The following TNS1 variants were observed in gnomAD, a reference collection of about 807,000 sequenced individuals.
TNS1 encodes the protein tensin 1.
Under a neutral mutation model 168.6 loss-of-function variants are expected in TNS1, and 62 were observed. The ratio of observed to expected loss-of-function variants is 0.37; its 90% CI spans 0.30 to 0.45. TNS1 has a LOEUF of 0.45. Ranked by LOEUF, TNS1 falls within the 20% of genes least tolerant of loss-of-function variation. The pLI, the probability that TNS1 is intolerant of heterozygous loss-of-function variation, is 1.00. For synonymous variants in TNS1, 934 were observed against 933.2 expected, an observed-to-expected ratio of 1.00 and a Z score of -0.02; for missense variants, 2,240 against 2,339.4, an observed-to-expected ratio of 0.96 and a Z score of 0.88.
chr2:217,818,448 G>A lies in TNS1; in HGVS notation c.3884C>T (p.Pro1295Leu), dbSNP rs376324480. 5.0e-6 allele frequency: 8 copies of A among 1,613,936 alleles called. No homozygotes were observed. Among genetic ancestry groups the A allele is most frequent in the Non-Finnish European group, 5.9e-6 (7 of 1,179,936 alleles). The change falls in exon 24 of 33, where the codon CCT (proline) becomes CTT (leucine). Residue 1295 changes from proline (P) to leucine (L), a missense_variant. Physicochemically the swap from Pro to Leu is moderately conservative, Grantham distance 98. Transcript: ENST00000682258. ...GGCCCGCCAGCCGAAGCCAGGACTA[G>A]GGGGAGTGTTGGTGCCCACTGTTCT... ...RHRTVGTNTP[P>L]SPGFGWRAIN...
intron 3 of TNS1, among the ~76,000 whole-genome samples, chr2:217,928,366 C>T (rs376722975): frequency 4.6e-5 from 7 of 152,314 alleles, no homozygotes; most frequent in African/African-American, 1.7e-4. Context: ...CCCTCCCCAC[C>T]AGGCAGCTGG....
intron 4 of TNS1, among the ~76,000 whole-genome samples, chr2:217,913,649 A>C (rs1285082843): frequency 6.6e-6 from 1 of 152,042 alleles, no homozygotes; most frequent in Non-Finnish European, 1.5e-5. Flanking sequence ...GCTTTGGGTC[A>C]CTTCCCCACT....
intron 18 of TNS1, among the ~76,000 whole-genome samples, chr2:217,871,185 T>A (rs1210740271): frequency 9.2e-5 from 14 of 152,198 alleles, no homozygotes; most frequent in Admixed American, 9.2e-4. Flanking sequence ...AGTTGGGAAG[T>A]TCTACCAGGA....
At chr2:217,900,417 C>T in intron 7 of TNS1, 46 bp downstream of exon 7, 2 of 1,529,262 alleles carry the variant, frequency 1.3e-6, no homozygotes, top group Non-Finnish European at 1.8e-6. Flanking sequence ...CCACAGTGAC[C>T]CCCCTGCTTG....
intron 1 of TNS1, among the ~76,000 whole-genome samples, chr2:218,030,552 A>G (rs1031708313): frequency 6.6e-6 from 1 of 152,220 alleles, no homozygotes; most frequent in Non-Finnish European, 1.5e-5. Flanking sequence ...ATGCTCAAAA[A>G]TGCTTGAATC....
intron 3 of TNS1, among the ~76,000 whole-genome samples, chr2:217,933,840 CA>C (rs2125913303): frequency 6.6e-6 from 1 of 152,214 alleles, no homozygotes; most frequent in Non-Finnish European, 1.5e-5. Flanking sequence ...AGCAGGTGCA[CA>C]AACAATAGGG....
intron 22 of TNS1, among the ~76,000 whole-genome samples, chr2:217,824,456 G>A (rs1461379332): frequency 6.6e-6 from 1 of 152,162 alleles, no homozygotes; most frequent in African/African-American, 2.4e-5. Context: ...GATAAAAAGA[G>A]CAAACAATTA....
upstream of TNS1, among the ~76,000 whole-genome samples, chr2:218,012,117 C>T (rs1029877347): frequency 6.6e-6 from 1 of 152,262 alleles, no homozygotes; most frequent in Non-Finnish European, 1.5e-5. Context: ...GGCCTTCAAT[C>T]TCTATAGCTT....
At chr2:218,015,644 AC>A (rs1215810750) in intron 1 of TNS1, among the ~76,000 whole-genome samples, 1 of 149,824 alleles carries the variant, frequency 6.7e-6, no homozygotes, top group Non-Finnish European at 1.5e-5. Flanking sequence ...TCCCCATCCC[AC>A]CCCCACCCCC....
Position 217,848,709 on chromosome 2 carries a change from C to G in TNS1, c.1808G>C (p.Arg603Pro), listed in dbSNP as rs772611683. ...AGGSAVPSSGRHVVPAQVHVN... is the reference protein window; with the variant it reads ...AGGSAVPSSGPHVVPAQVHVN... ...ATGAACCTGGGCTGGGACAACGTGG[C>G]GTCCAGAGGAGGGCACAGCCGAGCC... The change falls in exon 19 of 33, where the codon CGC becomes CCC. Residue 603 changes from arginine (R) to proline (P), a missense_variant. Around this residue, in one of 2 missense-constraint regions of TNS1, gnomAD observed 2,131 missense variants for 2,171.2 expected, o/e 0.98. Transcript: ENST00000682258. 1 of 1,614,070 alleles carries G rather than the reference C, an allele frequency of 6.2e-7. No individual in the cohort carries two copies. Among genetic ancestry groups the G allele is most frequent in the Non-Finnish European group, 8.5e-7 (1 of 1,180,022 alleles).
At chr2:217,909,289 C>A (rs928113166) in intron 4 of TNS1, among the ~76,000 whole-genome samples, 50 of 152,122 alleles carry the variant, frequency 3.3e-4, no homozygotes, top group African/African-American at 1.1e-3. Flanking sequence ...CAGACCACAG[C>A]GGAACTGAGA....
chr2:217,852,242 A>G lies in TNS1; in HGVS notation c.1430-3155T>C, dbSNP rs896569596. On this transcript the variant is annotated intron_variant, in intron 18 of 32. Transcript: ENST00000682258. ...TCATAGCTCTGGGGTGGTTCTCTTG[A>G]GGATGGGGCCCCTTGGACAAGTTGG... 3.3e-5 allele frequency among the ~76,000 whole-genome samples: 5 copies of G among 152,188 alleles called. No homozygotes were observed. The East Asian group carries it at 9.6e-4, about 29-fold the overall frequency.
chr2:217,859,493 G>C, intron 18 of TNS1: 1 of 678,452 alleles, frequency 1.5e-6, no homozygotes, highest in South Asian at 1.7e-5. Flanking sequence ...TAGAAGGACT[G>C]GGGTGTCACC....
At chr2:218,013,309 G>A (rs543970080), upstream of TNS1, among the ~76,000 whole-genome samples, 7 of 151,866 alleles carry the variant, frequency 4.6e-5, no homozygotes, top group East Asian at 9.7e-4. Flanking sequence ...TGCTCAGTCC[G>A]TCTTCCCTCC....
At chr2:217,858,958 G>GCCCCAGC (rs755757561) in intron 18 of TNS1, among the ~76,000 whole-genome samples, 5 of 114,704 alleles carry the variant, frequency 4.4e-5, no homozygotes, top group African/African-American at 1.9e-4. Context: ...CCCAACCCCA[G>GCCCCAGC]CCCAGCCCCA....
At chr2:217,808,509 A>G (rs896501291) in intron 31 of TNS1, 94 bp downstream of exon 31, 8 of 540,414 alleles carry the variant, frequency 1.5e-5, no homozygotes, top group Admixed American at 6.3e-5. Context: ...ATGCACATGC[A>G]CACACACACA....
chr2:218,013,943 T>C (rs1034955881), upstream of TNS1, among the ~76,000 whole-genome samples: 1 of 152,180 alleles, frequency 6.6e-6, no homozygotes, highest in Non-Finnish European at 1.5e-5. Context: ...GCCCTGGATC[T>C]GGGTTAGGAG....
At chr2:217,906,278 CA>C in intron 6 of TNS1, 56 bp downstream of exon 6, 1 of 668,878 alleles carries the variant, frequency 1.5e-6, no homozygotes, top group Non-Finnish European at 2.7e-6. Flanking sequence ...CACCCCACCC[CA>C]TTCCCCCTGG....
chr2:217,879,441 CT>C, intron 18 of TNS1: 1 of 454,708 alleles, frequency 2.2e-6, no homozygotes. Flanking sequence ...TGGAGGAGTG[CT>C]TTTCACAAGC....
Sources: gnomAD v4.1 joint callset for allele counts (sites outside exome capture counted in the v4.1 genomes callset) on GRCh38, gnomAD v4.1.1 for gene constraint, gnomAD v4.1.1 regional missense constraint, MANE v1.5 for transcripts, NCBI Gene and HGNC (gene_info 2026-07-23, HGNC 2026-07-21) for gene names.